The following SNTG1 variants were observed in gnomAD, a reference collection of about 807,000 sequenced individuals.
The protein encoded by SNTG1 is syntrophin gamma 1, also known as gamma-1-syntrophin.
SNTG1 carries 39 observed loss-of-function variants against 74.7 expected under a neutral mutation model. That is an observed-to-expected ratio of 0.52 (90% CI 0.40 to 0.68). The LOEUF (loss-of-function observed/expected upper bound fraction) is 0.68. SNTG1 is among the 30% of genes least tolerant of loss of function. The pLI, the probability that SNTG1 is intolerant of heterozygous loss-of-function variation, is 0.00. For missense variants in SNTG1, 685 were observed against 609.5 expected (o/e 1.12, Z -1.30); for synonymous variants, 254 against 217.1 (o/e 1.17, Z -1.49).
intron 12 of SNTG1, among the ~76,000 whole-genome samples, chr8:50,578,002 G>A (rs1225746923): frequency 6.6e-6 from 1 of 152,152 alleles, no homozygotes; most frequent in Non-Finnish European, 1.5e-5. Flanking sequence ...AATCCTCAAA[G>A]CATTTGAAAA....
chr8:50,320,474 T>C (rs1403170761), intron 2 of SNTG1, among the ~76,000 whole-genome samples: 1 of 152,080 alleles, frequency 6.6e-6, no homozygotes, highest in East Asian at 1.9e-4. Context: ...TTTTGTTGAA[T>C]TGATCTTTTG....
chr8:50,558,054 C>A (rs1380873344), intron 12 of SNTG1, among the ~76,000 whole-genome samples: 1 of 152,218 alleles, frequency 6.6e-6, no homozygotes, highest in African/African-American at 2.4e-5. Flanking sequence ...AAATCCAAGG[C>A]TCTTCTCAGA....
At chr8:50,334,674 C>T (rs2091082116) in intron 2 of SNTG1, among the ~76,000 whole-genome samples, 2 of 152,134 alleles carry the variant, frequency 1.3e-5, no homozygotes, top group African/African-American at 4.8e-5. Context: ...ATGCCCATTG[C>T]TGTGCTATCT....
chr8:50,255,634 T>G (rs1483086210), intron 2 of SNTG1, among the ~76,000 whole-genome samples: 4 of 152,210 alleles, frequency 2.6e-5, no homozygotes, highest in Non-Finnish European at 5.9e-5. Flanking sequence ...CACTCTGATC[T>G]CTGTATTCAT....
intron 11 of SNTG1, among the ~76,000 whole-genome samples, chr8:50,544,080 G>A (rs77682784): frequency 4.6e-5 from 7 of 152,048 alleles, no homozygotes; most frequent in African/African-American, 9.6e-5. Context: ...CTCAACACAC[G>A]AGTTTTTGTG....
At chr8:50,263,511 A>T (rs938430386) in intron 2 of SNTG1, among the ~76,000 whole-genome samples, 1 of 152,178 alleles carries the variant, frequency 6.6e-6, no homozygotes, top group Non-Finnish European at 1.5e-5. Context: ...AATTGAAACT[A>T]AAATGACAGA....
chr8:50,625,660 C>T (rs939077700), intron 13 of SNTG1, among the ~76,000 whole-genome samples: 1 of 152,172 alleles, frequency 6.6e-6, no homozygotes, highest in Non-Finnish European at 1.5e-5. Flanking sequence ...TAAATGAATA[C>T]TTTAAATACT....
At chr8:50,036,540 G>A (rs982360202) in intron 1 of SNTG1, among the ~76,000 whole-genome samples, 1 of 152,106 alleles carries the variant, frequency 6.6e-6, no homozygotes, top group African/African-American at 2.4e-5. Flanking sequence ...CATCCCAGCT[G>A]TTTTCTTGTT....
At chr8:50,548,748 A>G (rs1027480596) in intron 11 of SNTG1, among the ~76,000 whole-genome samples, 1 of 152,180 alleles carries the variant, frequency 6.6e-6, no homozygotes, top group African/African-American at 2.4e-5. Flanking sequence ...TTCCAAATAC[A>G]TGGGTTAAAG....
chr8:50,478,726 T>A (rs2093716081), intron 8 of SNTG1, among the ~76,000 whole-genome samples: 1 of 152,208 alleles, frequency 6.6e-6, no homozygotes, highest in African/African-American at 2.4e-5. Context: ...ATGTTGGGTA[T>A]GTTCTGGAGT....
rs542586919 is a variant in SNTG1 at position 50,656,383 on chromosome 8, A to G, written c.850-526A>G. Among the ~76,000 whole-genome samples, 6 of 152,290 alleles carry G rather than the reference A, an allele frequency of 3.9e-5. No homozygotes were observed. In the East Asian group the frequency reaches 7.7e-4, roughly 20 times the overall value. On this transcript the variant is annotated intron_variant, in intron 13 of 18. Coordinates refer to ENST00000642720, the MANE Select transcript of SNTG1 (RefSeq NM_018967.5). ...GAATACACTAGCATAAATTGTATTC[A>G]TCTAAGATCAATGATTAAAAGGAGG...
intron 12 of SNTG1, among the ~76,000 whole-genome samples, chr8:50,585,954 A>G (rs1192456809): frequency 1.3e-5 from 2 of 152,218 alleles, no homozygotes; most frequent in Non-Finnish European, 2.9e-5. Flanking sequence ...AAGGTATACT[A>G]TGTCCAATTG....
At chr8:50,042,910 A>G (rs1818765829) in intron 1 of SNTG1, among the ~76,000 whole-genome samples, 1 of 152,176 alleles carries the variant, frequency 6.6e-6, no homozygotes, top group Middle Eastern at 3.2e-3. Context: ...TTTACCAATA[A>G]TTGTCTATTT....
At chr8:50,148,223 G>A (rs981916308) in intron 1 of SNTG1, among the ~76,000 whole-genome samples, 1 of 151,986 alleles carries the variant, frequency 6.6e-6, no homozygotes, top group Non-Finnish European at 1.5e-5. Flanking sequence ...AAATGATTAT[G>A]AATATAAATA....
intron 17 of SNTG1, among the ~76,000 whole-genome samples, chr8:50,746,727 T>C (rs950251488): frequency 6.6e-6 from 1 of 151,222 alleles, no homozygotes; most frequent in Admixed American, 6.6e-5. Context: ...ATATCATTAA[T>C]TGGGCAAACT....
chr8:50,013,474 GAT>G (rs1263104960), intron 1 of SNTG1, among the ~76,000 whole-genome samples: 1 of 147,652 alleles, frequency 6.8e-6, no homozygotes. Context: ...GAGATAGATA[GAT>G]AGATAGATAG....
chr8:50,367,938 T>C (rs2092161893), intron 2 of SNTG1, among the ~76,000 whole-genome samples: 1 of 151,920 alleles, frequency 6.6e-6, no homozygotes, highest in Non-Finnish European at 1.5e-5. Flanking sequence ...AACTGGGCAA[T>C]AGGGTAGAGG....
At chr8:50,198,010 G>C (rs1467332843) in intron 2 of SNTG1, among the ~76,000 whole-genome samples, 1 of 151,914 alleles carries the variant, frequency 6.6e-6, no homozygotes, top group East Asian at 1.9e-4. Context: ...TGTTCTGTTG[G>C]TGTCCACTTC....
chr8:50,548,997 A>G (rs2094407551), intron 11 of SNTG1, among the ~76,000 whole-genome samples: 1 of 152,156 alleles, frequency 6.6e-6, no homozygotes, highest in South Asian at 2.1e-4. Flanking sequence ...CAAGGACCTC[A>G]GAGATATTGA....
Sources: gnomAD v4.1 joint callset for allele counts (sites outside exome capture counted in the v4.1 genomes callset) on GRCh38, gnomAD v4.1.1 for gene constraint, MANE v1.5 for transcripts, NCBI Gene and HGNC (gene_info 2026-07-23, HGNC 2026-07-21) for gene names.